Variants in NLGN1 observed in about 807,000 individuals in gnomAD.
NLGN1 encodes neuroligin 1.
NLGN1 carries 12 observed loss-of-function variants against 65.5 expected under a neutral mutation model. The observed-to-expected ratio is 0.18, with a 90% CI of 0.12 to 0.30. The LOEUF (loss-of-function observed/expected upper bound fraction) is 0.30. Ranked by LOEUF, NLGN1 falls within the 10% of genes least tolerant of loss-of-function variation. The pLI, the probability that NLGN1 is intolerant of heterozygous loss-of-function variation, is 1.00. For synonymous variants in NLGN1, 350 were observed against 359.5 expected (o/e 0.97, Z 0.30); for missense variants, 750 against 1,007.1 (o/e 0.74, Z 3.46).
intron 4 of NLGN1, among the ~76,000 whole-genome samples, chr3:174,001,823 G>A (rs1049770382): frequency 6.6e-6 from 1 of 152,082 alleles, no homozygotes; most frequent in African/African-American, 2.4e-5. Context: ...AATTTTGCTT[G>A]TTAGGGGACA....
At chr3:173,734,500 C>A (rs1259226088) in intron 3 of NLGN1, among the ~76,000 whole-genome samples, 1 of 142,678 alleles carries the variant, frequency 7.0e-6, no homozygotes, top group Non-Finnish European at 1.5e-5. Flanking sequence ...GGGCTCAAGT[C>A]GTTCTCCTGC....
intron 3 of NLGN1, among the ~76,000 whole-genome samples, chr3:173,615,929 T>G (rs961199920): frequency 2.0e-5 from 3 of 151,950 alleles, no homozygotes; most frequent in Non-Finnish European, 4.4e-5. Context: ...TGCAGAGCCC[T>G]GGGGTAGGTC....
intron 4 of NLGN1, among the ~76,000 whole-genome samples, chr3:174,134,266 C>T (rs1003034112): frequency 3.9e-5 from 6 of 152,028 alleles, no homozygotes; most frequent in South Asian, 4.2e-4. Flanking sequence ...GACTGGCTGC[C>T]GGGGAATTGG....
chr3:173,721,772 C>A (rs748567794), intron 3 of NLGN1, among the ~76,000 whole-genome samples: 1 of 151,954 alleles, frequency 6.6e-6, no homozygotes, highest in Non-Finnish European at 1.5e-5. Context: ...CCATCTTTGC[C>A]GCATAGTACA....
intron 4 of NLGN1, among the ~76,000 whole-genome samples, chr3:174,034,175 AAGAG>A (rs1448469760): frequency 6.6e-6 from 1 of 152,114 alleles, no homozygotes; most frequent in Non-Finnish European, 1.5e-5. Context: ...AGTGCTGAAA[AAGAG>A]AGAAAAACCT....
intron 4 of NLGN1, among the ~76,000 whole-genome samples, chr3:174,232,357 T>A (rs1044637497): frequency 6.6e-6 from 1 of 152,240 alleles, no homozygotes; most frequent in South Asian, 2.1e-4. Context: ...TGTCATCAGT[T>A]AAGGCAGGAA....
chr3:173,543,755 C>T (rs1001464880), intron 2 of NLGN1, among the ~76,000 whole-genome samples: 2 of 151,938 alleles, frequency 1.3e-5, no homozygotes, highest in Non-Finnish European at 2.9e-5. Context: ...CTGTGCTAGT[C>T]AGTATAGTAG....
At chr3:173,572,343 C>G (rs985862757) in intron 2 of NLGN1, among the ~76,000 whole-genome samples, 6 of 152,188 alleles carry the variant, frequency 3.9e-5, no homozygotes, top group African/African-American at 1.4e-4. Flanking sequence ...AAAAATTAAG[C>G]AGATAAATGA....
chr3:174,202,120 A>C (rs1734614881), intron 4 of NLGN1, among the ~76,000 whole-genome samples: 1 of 151,568 alleles, frequency 6.6e-6, no homozygotes, highest in Admixed American at 6.6e-5. Flanking sequence ...TCTACCTTTC[A>C]TCTTATCCCT....
chr3:174,239,187 G>C (rs1742337391), intron 4 of NLGN1, among the ~76,000 whole-genome samples: 1 of 151,994 alleles, frequency 6.6e-6, no homozygotes, highest in South Asian at 2.1e-4. Flanking sequence ...TCCTGCCTCA[G>C]CCTCCCAAGT....
At chr3:174,219,253 A>T (rs1293785080) in intron 4 of NLGN1, among the ~76,000 whole-genome samples, 1 of 152,040 alleles carries the variant, frequency 6.6e-6, no homozygotes, top group Non-Finnish European at 1.5e-5. Flanking sequence ...TAAAGTGGGG[A>T]TGGCAAGGAT....
chr3:173,618,097 A>T (rs1442232951), intron 3 of NLGN1, among the ~76,000 whole-genome samples: 5 of 152,042 alleles, frequency 3.3e-5, no homozygotes, highest in Admixed American at 3.3e-4. Context: ...TAGCTTCTCC[A>T]ATGGCCTGTG....
intron 4 of NLGN1, among the ~76,000 whole-genome samples, chr3:173,857,606 T>C (rs111347413): frequency 6.6e-6 from 1 of 151,968 alleles, no homozygotes; most frequent in Non-Finnish European, 1.5e-5. Context: ...TCACAGAAAG[T>C]CATGTTGCCT....
At chr3:173,567,233 A>G (rs1743836804) in intron 2 of NLGN1, among the ~76,000 whole-genome samples, 1 of 152,166 alleles carries the variant, frequency 6.6e-6, no homozygotes, top group African/African-American at 2.4e-5. Context: ...CTTCTAAAAA[A>G]TAAGATAAAT....
chr3:173,485,440 G>A (rs1023738), intron 2 of NLGN1, among the ~76,000 whole-genome samples: 71,665 of 151,998 alleles, frequency 0.47, 19,343 homozygotes, highest in East Asian at 0.81. Context: ...TTTCTCTTCC[G>A]TTTGAATTTC....
At chr3:174,292,064 T>C in the NLGN1 span, among the ~76,000 whole-genome samples, 1 of 151,240 alleles carries the variant, frequency 6.6e-6, no homozygotes, top group Non-Finnish European at 1.5e-5. Context: ...AATTGTATCA[T>C]CTCCACCGTC....
chr3:174,133,019 T>C (rs1720498887), intron 4 of NLGN1, among the ~76,000 whole-genome samples: 1 of 152,212 alleles, frequency 6.6e-6, no homozygotes. Flanking sequence ...TCTTCTAACC[T>C]ACTGCCAGTA....
chr3:174,095,332 T>C (rs997298893), intron 4 of NLGN1, among the ~76,000 whole-genome samples: 35 of 151,602 alleles, frequency 2.3e-4, no homozygotes, highest in African/African-American at 8.0e-4. Flanking sequence ...AGGTAGCCAA[T>C]GAAAAGCAAA....
chr3:174,053,393 C>T (rs187861111), intron 4 of NLGN1, among the ~76,000 whole-genome samples: 1 of 151,964 alleles, frequency 6.6e-6, no homozygotes, highest in African/African-American at 2.4e-5. Flanking sequence ...GTCTTGTAAA[C>T]ACAATTTTAT....
Sources: gnomAD v4.1 joint callset for allele counts (sites outside exome capture counted in the v4.1 genomes callset) on GRCh38, gnomAD v4.1.1 for gene constraint, MANE v1.5 for transcripts, NCBI Gene and HGNC (gene_info 2026-07-23, HGNC 2026-07-21) for gene names.